The following ADK variants were observed in gnomAD, a reference collection of about 807,000 sequenced individuals.
The protein encoded by ADK is adenosine kinase.
A neutral mutation model predicts 44.7 loss-of-function variants in ADK; 24 were observed. That is an observed-to-expected ratio of 0.54 (90% CI 0.39 to 0.76). The LOEUF (loss-of-function observed/expected upper bound fraction) is 0.76. Ranked by LOEUF, ADK falls within the 30% of genes least tolerant of loss-of-function variation. ADK has a pLI of 0.00. For synonymous variants in ADK, 128 were observed against 142.6 expected (o/e 0.90, Z 0.73); for missense variants, 321 against 425.1 (o/e 0.76, Z 2.15).
rs546197754 is a variant in ADK, at chr10:74,610,257, A to C, written c.877+9764A>C. Among the ~76,000 whole-genome samples, 9 of 152,342 alleles carry C rather than the reference A, an allele frequency of 5.9e-5. No homozygotes were observed. In the South Asian group the frequency reaches 1.9e-3, roughly 32 times the overall value. On this transcript the variant is annotated intron_variant, in intron 9 of 10. Transcript: ENST00000539909. ...AGCTTTAAAAAAGAAGGAAATCCTAACATGCACTACAACATGGATGAACCT... is the reference window on the plus strand; with the variant it reads ...AGCTTTAAAAAAGAAGGAAATCCTACCATGCACTACAACATGGATGAACCT...
chr10:74,602,764 G>C (rs887646041), intron 9 of ADK, among the ~76,000 whole-genome samples: 1 of 152,202 alleles, frequency 6.6e-6, no homozygotes, highest in African/African-American at 2.4e-5. Context: ...AAGCAAACAT[G>C]ATAAATGTTA....
intron 3 of ADK, among the ~76,000 whole-genome samples, chr10:74,247,413 G>GT (rs1245046700): frequency 6.6e-6 from 1 of 150,880 alleles, no homozygotes; most frequent in East Asian, 1.9e-4. Context: ...TAATTTTTGT[G>GT]TTTTTTGTAG....
intron 6 of ADK, among the ~76,000 whole-genome samples, chr10:74,436,152 G>T (rs1845172357): frequency 6.6e-6 from 1 of 152,154 alleles, no homozygotes; most frequent in Non-Finnish European, 1.5e-5. Flanking sequence ...CAGAAAGGAG[G>T]TGCATGGCAA....
intron 3 of ADK, among the ~76,000 whole-genome samples, chr10:74,275,057 G>A (rs1846619989): frequency 6.6e-6 from 1 of 151,910 alleles, no homozygotes; most frequent in South Asian, 2.1e-4. Context: ...GAAGGTGAGA[G>A]GTGAAGCTGC....
intron 3 of ADK, among the ~76,000 whole-genome samples, chr10:74,266,757 C>T (rs1424638070): frequency 6.6e-6 from 1 of 151,954 alleles, no homozygotes; most frequent in Non-Finnish European, 1.5e-5. Flanking sequence ...TAGTTCATTT[C>T]TTTCTAATTT....
chr10:74,626,051 A>G (rs1853191181), intron 9 of ADK, among the ~76,000 whole-genome samples: 1 of 152,224 alleles, frequency 6.6e-6, no homozygotes, highest in African/African-American at 2.4e-5. Flanking sequence ...TTAGGAAGAT[A>G]CTGTAGCTGA....
chr10:74,510,734 G>A (rs370820681), intron 6 of ADK, among the ~76,000 whole-genome samples: 2 of 152,022 alleles, frequency 1.3e-5, no homozygotes, highest in Admixed American at 6.6e-5. Flanking sequence ...TTGAGACAGG[G>A]TCTTGCTGTG....
At chr10:74,523,975 C>G (rs1190721717) in intron 6 of ADK, among the ~76,000 whole-genome samples, 1 of 152,172 alleles carries the variant, frequency 6.6e-6, no homozygotes, top group Non-Finnish European at 1.5e-5. Context: ...CACCCCTACC[C>G]CTCTTGCACA....
At chr10:74,302,101 GTTTGTTTGTTTTTTTTTT>G (rs1840064032) in intron 3 of ADK, among the ~76,000 whole-genome samples, 3 of 11,706 alleles carry the variant, frequency 2.6e-4, no homozygotes, top group African/African-American at 8.5e-4. Context: ...TTTTTTTTTT[GTTTGTTTGTTTTTTTTTT>G]TTTTTTTTTT....
intron 1 of ADK, among the ~76,000 whole-genome samples, chr10:74,195,672 CTTTCT>C (rs1436930714): frequency 1.1e-5 from 1 of 87,986 alleles, no homozygotes; most frequent in African/African-American, 7.5e-5. Flanking sequence ...TTTTCTTTTT[CTTTCT>C]TTCTTTCTTT....
intron 6 of ADK, among the ~76,000 whole-genome samples, chr10:74,483,704 C>A (rs1847158606): frequency 6.6e-6 from 1 of 152,202 alleles, no homozygotes. Flanking sequence ...TTAGATATTT[C>A]TTCTCCCAGA....
intron 4 of ADK, among the ~76,000 whole-genome samples, chr10:74,389,923 A>G (rs1322405469): frequency 4.6e-5 from 7 of 152,148 alleles, no homozygotes; most frequent in Admixed American, 1.3e-4. Flanking sequence ...TTCAGACTGT[A>G]GTTTGAACAT....
intron 6 of ADK, among the ~76,000 whole-genome samples, chr10:74,422,559 T>C (rs984814777): frequency 1.3e-5 from 2 of 152,142 alleles, no homozygotes; most frequent in Admixed American, 6.5e-5. Context: ...TTAGAACAAA[T>C]TGGATGAGGG....
intron 1 of ADK, among the ~76,000 whole-genome samples, chr10:74,168,825 C>T (rs1352276797): frequency 6.6e-6 from 1 of 151,944 alleles, no homozygotes; most frequent in Non-Finnish European, 1.5e-5. Flanking sequence ...GTTGGTCAGG[C>T]TGGTCTCAAA....
chr10:74,357,485 GAGAC>G (rs1842185347), intron 4 of ADK, among the ~76,000 whole-genome samples: 1 of 133,892 alleles, frequency 7.5e-6, no homozygotes, highest in Non-Finnish European at 1.6e-5. Context: ...TTTTTTTTAA[GAGAC>G]AGGGTTTTGT....
chr10:74,529,704 G>T (rs897740675), intron 7 of ADK, among the ~76,000 whole-genome samples: 2 of 152,074 alleles, frequency 1.3e-5, no homozygotes, highest in South Asian at 4.1e-4. Context: ...CTTTTGGTAT[G>T]ATTATTGTTC....
intron 6 of ADK, among the ~76,000 whole-genome samples, chr10:74,511,083 A>C (rs146856039): frequency 2.7e-3 from 409 of 152,280 alleles, no homozygotes; most frequent in Non-Finnish European, 4.9e-3. Context: ...GCATATGGCT[A>C]TCCAGTTTGC....
At chr10:74,224,727 TATG>T (rs1427830347) in intron 3 of ADK, 136 bp downstream of exon 3, 57 of 721,696 alleles carry the variant, frequency 7.9e-5, no homozygotes, top group South Asian at 6.5e-4. Flanking sequence ...TCCTAACAAT[TATG>T]ATAACCTACA....
intron 10 of ADK, among the ~76,000 whole-genome samples, chr10:74,676,042 A>AC (rs1317549155): frequency 3.0e-4 from 24 of 81,100 alleles, no homozygotes; most frequent in East Asian, 1.6e-3. Context: ...CATTCTTAGA[A>AC]TTAAAAAAAA....
Sources: allele counts gnomAD v4.1 joint callset (sites outside exome capture counted in the v4.1 genomes callset), GRCh38; gene constraint gnomAD v4.1.1; transcripts MANE v1.5; gene names NCBI Gene and HGNC (gene_info 2026-07-23, HGNC 2026-07-21).